OSBPL2: variants seen among roughly 807,000 people sequenced by gnomAD.
The protein encoded by OSBPL2 is oxysterol-binding protein-related protein 2.
A neutral mutation model predicts 58.4 loss-of-function variants in OSBPL2; 18 were observed. The ratio of observed to expected loss-of-function variants is 0.31; its 90% CI spans 0.21 to 0.46. The LOEUF (loss-of-function observed/expected upper bound fraction) is 0.46. OSBPL2 is among the 20% of genes least tolerant of loss of function. The pLI, the probability that OSBPL2 is intolerant of heterozygous loss-of-function variation, is 1.00. For synonymous variants in OSBPL2, 221 were observed against 234.1 expected, an observed-to-expected ratio of 0.94 and a Z score of 0.51; for missense variants, 461 against 616.5, an observed-to-expected ratio of 0.75 and a Z score of 2.67.
At chr20:62,280,278 T>A in intron 7 of OSBPL2, 1 of 434,698 alleles carries the variant, frequency 2.3e-6, no homozygotes, top group South Asian at 2.0e-5. Flanking sequence ...GCTAGAAGGT[T>A]CCACAAGGAC....
At chr20:62,289,445 G>A (rs973260053) in intron 12 of OSBPL2, 115 bp downstream of exon 12, 22 of 1,262,856 alleles carry the variant, frequency 1.7e-5, no homozygotes, top group Admixed American at 4.6e-5. Flanking sequence ...GGGGAGCCCC[G>A]TCCCTCTCCC....
rs1983846155 is a variant in OSBPL2 at position 62,296,181 on chromosome 20, TA to T, written c.*2296del. The T allele has an allele frequency of 6.6e-6, 1 of 152,242 alleles. No homozygotes were observed. Among genetic ancestry groups the T allele is most frequent in the African/African-American group, 2.4e-5 (1 of 41,462 alleles). The allele number at this position is 152,242 out of a possible 1,614,324, so 9.4% of individuals were successfully genotyped here. A position where few individuals can be genotyped will look rare whatever the true frequency, so the allele number is the denominator to read the frequency against. On this transcript the variant is annotated 3_prime_UTR_variant, in exon 14 of 14. Coordinates refer to ENST00000313733, the MANE Select transcript of OSBPL2 (RefSeq NM_144498.4). ...ATCTCTAATAAAGATGGCCACCACT[TA>T]ATGTGTGGAAAGTGATGGCCTTCTC...
intron 10 of OSBPL2, chr20:62,285,427 A>G (rs1188657938): frequency 6.6e-6 from 1 of 152,076 alleles, no homozygotes; most frequent in Non-Finnish European, 1.5e-5. Context: ...CTGGGCTTTG[A>G]CTCGCTTGTT....
chr20:62,262,642 CT>C (rs1369175864), intron 3 of OSBPL2, among the ~76,000 whole-genome samples: 1 of 152,218 alleles, frequency 6.6e-6, no homozygotes, highest in East Asian at 1.9e-4. Context: ...CTCCTGCCCC[CT>C]GACACCAGTA....
At chr20:62,241,315 C>G (rs1047650735) in intron 1 of OSBPL2, among the ~76,000 whole-genome samples, 3 of 152,196 alleles carry the variant, frequency 2.0e-5, no homozygotes, top group African/African-American at 7.2e-5. Context: ...GCCTCAGCCT[C>G]CCAAGTAGCT....
At chr20:62,257,642 C>T (rs934225718) in intron 2 of OSBPL2, among the ~76,000 whole-genome samples, 1 of 152,004 alleles carries the variant, frequency 6.6e-6, no homozygotes, top group African/African-American at 2.4e-5. Context: ...CCCTCCTCTC[C>T]TGGGAGTCTC....
chr20:62,283,695 C>T (rs74538929), intron 9 of OSBPL2, among the ~76,000 whole-genome samples: 175 of 152,138 alleles, frequency 1.2e-3, no homozygotes, highest in African/African-American at 4.1e-3. Flanking sequence ...TTTGCCCCTT[C>T]CCGTCTCCTG....
chr20:62,258,188 G>A (rs955943055), intron 2 of OSBPL2, among the ~76,000 whole-genome samples: 2 of 152,150 alleles, frequency 1.3e-5, no homozygotes, highest in African/African-American at 4.8e-5. Flanking sequence ...AGGTGGAAGG[G>A]ACAGACATCT....
chr20:62,261,610 T>C lies in OSBPL2; in HGVS notation c.182+1485T>C, dbSNP rs566564659. Among the ~76,000 whole-genome samples the C allele has an allele frequency of 3.9e-5, 6 of 152,228 alleles. No individual in the cohort carries two copies. The East Asian group carries it at 1.2e-3, about 29-fold the overall frequency. ...CCCCGCTCCTGCATTCCCCGTTTTC[T>C]AGCCCTGACTCTGTGGTCGCTTTAA... On this transcript the variant is annotated intron_variant, in intron 3 of 13. Transcript: ENST00000313733.
intron 1 of OSBPL2, among the ~76,000 whole-genome samples, chr20:62,251,865 CTTTTTTTTTTTTTTTT>C (rs147891445): frequency 3.4e-4 from 14 of 41,738 alleles, no homozygotes; most frequent in African/African-American, 8.6e-4. Context: ...ATTGGTATGC[CTTTTTTTTTTTTTTTT>C]TTTTTTTTTT....
intron 4 of OSBPL2, among the ~76,000 whole-genome samples, chr20:62,271,422 C>T (rs991431047): frequency 2.6e-5 from 4 of 152,194 alleles, no homozygotes; most frequent in East Asian, 3.8e-4. Context: ...CTATTTTTAA[C>T]GGCGTGGGTG....
rs1380917915 is a variant in OSBPL2 at position 62,288,259 on chromosome 20, C to T, written c.1126-948C>T. Among the ~76,000 whole-genome samples the T allele has an allele frequency of 6.6e-6, 1 of 152,122 alleles. No homozygotes were observed. Among genetic ancestry groups the T allele is most frequent in the Non-Finnish European group, 1.5e-5 (1 of 68,026 alleles). On this transcript the variant is annotated intron_variant, in intron 11 of 13. Transcript: ENST00000313733. This position sits in a 1 kb window ranked among gnomAD's most constrained non-coding sequence, Gnocchi z 4.8. Reference sequence around the variant, plus strand: ...TTGATGTTTCCTGTGGCCTTTCTGGCTGCTTGCTGAGATGCTGTGAGGGCA... The same window carrying T: ...TTGATGTTTCCTGTGGCCTTTCTGGTTGCTTGCTGAGATGCTGTGAGGGCA...
rs187464042 is a variant in OSBPL2 at position 62,292,302 on chromosome 20, G to C, written c.1340+509G>C. ...GTGTAGGGAGGTGGCACCGTGTGGAGGCCACGCCTGTCACACCGATACCAC... is the reference window on the plus strand; with the variant it reads ...GTGTAGGGAGGTGGCACCGTGTGGACGCCACGCCTGTCACACCGATACCAC... On this transcript the variant is annotated intron_variant, in intron 13 of 13. Transcript: ENST00000313733. 3.1e-3 allele frequency among the ~76,000 whole-genome samples: 479 copies of C among 152,314 alleles called. 2 individuals carry two copies. Among genetic ancestry groups the C allele is most frequent in the African/African-American group, 0.011 (467 of 41,562 alleles).
intron 6 of OSBPL2, among the ~76,000 whole-genome samples, chr20:62,278,005 CG>C (rs1323941518): frequency 2.0e-5 from 3 of 152,148 alleles, no homozygotes; most frequent in African/African-American, 4.8e-5. Flanking sequence ...GGGAGTCCCT[CG>C]GGGTTGAGGG....
intron 2 of OSBPL2, among the ~76,000 whole-genome samples, chr20:62,258,682 T>C (rs1163254346): frequency 6.6e-6 from 1 of 152,154 alleles, no homozygotes; most frequent in Non-Finnish European, 1.5e-5. Flanking sequence ...AGAATGTTAT[T>C]AGGCCATCCA....
intron 13 of OSBPL2, among the ~76,000 whole-genome samples, chr20:62,292,710 C>T (rs977458059): frequency 2.0e-5 from 3 of 152,192 alleles, no homozygotes; most frequent in Non-Finnish European, 4.4e-5. Flanking sequence ...GATTCGTTCT[C>T]AAGGCCCAAC....
In OSBPL2 at chr20:62,263,791, C is replaced by T. The variant is rs376395418; in HGVS notation, c.258+100C>T. 5.6e-5 allele frequency: 60 copies of T among 1,074,022 alleles called. 1 individual carries two copies. The African/African-American group carries it at 6.5e-4, about 12-fold the overall frequency. 66.5% of individuals were successfully genotyped at this position (1,074,022 alleles called of 1,614,324 possible). A position where few individuals can be genotyped will look rare whatever the true frequency, so the allele number is the denominator to read the frequency against. On this transcript the variant is annotated intron_variant, in intron 4 of 13. Coordinates refer to ENST00000313733, the MANE Select transcript of OSBPL2 (RefSeq NM_144498.4). ...TTAAGAAAATGCGCTCTTGGCCGGG[C>T]GCGGTGGCTCACGCCTATAATCTCA...
At chr20:62,290,828 C>T (rs1983462465) in intron 12 of OSBPL2, among the ~76,000 whole-genome samples, 1 of 149,222 alleles carries the variant, frequency 6.7e-6, no homozygotes, top group African/African-American at 2.5e-5. Context: ...AACCTCTGCT[C>T]ACAGGTTCAA....
intron 6 of OSBPL2, among the ~76,000 whole-genome samples, chr20:62,276,624 A>C (rs1175912441): frequency 6.6e-6 from 1 of 152,192 alleles, no homozygotes; most frequent in Non-Finnish European, 1.5e-5. Flanking sequence ...TTGAGCAAGT[A>C]GGACTAGTTT....
Sources: gnomAD v4.1 joint callset for allele counts (sites outside exome capture counted in the v4.1 genomes callset) on GRCh38, gnomAD v4.1.1 for gene constraint, Gnocchi (gnomAD v3.1) non-coding constraint, MANE v1.5 for transcripts, NCBI Gene and HGNC (gene_info 2026-07-23, HGNC 2026-07-21) for gene names.